PRKG1: variants seen among roughly 807,000 people sequenced by gnomAD.
PRKG1 encodes the protein protein kinase cGMP-dependent 1.
Under a neutral mutation model 88.1 loss-of-function variants are expected in PRKG1, and 35 were observed. That is an observed-to-expected ratio of 0.40 (90% confidence interval 0.30 to 0.53). The LOEUF (loss-of-function observed/expected upper bound fraction) is 0.53, where lower values mean the gene tolerates loss of function less well. PRKG1 is among the 20% of genes least tolerant of loss of function. The pLI, the probability that PRKG1 is intolerant of heterozygous loss-of-function variation, is 0.59. For synonymous variants in PRKG1, 303 were observed against 292.5 expected, an observed-to-expected ratio of 1.04 and a Z score of -0.37; for missense variants, 540 against 839.8, an observed-to-expected ratio of 0.64 and a Z score of 4.41.
intron 2 of PRKG1, among the ~76,000 whole-genome samples, chr10:51,184,629 A>AT (rs1428413453): frequency 6.6e-6 from 1 of 151,910 alleles, no homozygotes; most frequent in South Asian, 2.1e-4. Context: ...TCTTTTTTTC[A>AT]TTTTAGGATG....
At chr10:51,395,081 T>G (rs891082845) in intron 2 of PRKG1, among the ~76,000 whole-genome samples, 1 of 152,246 alleles carries the variant, frequency 6.6e-6, no homozygotes, top group Non-Finnish European at 1.5e-5. Context: ...GGATGTGGTC[T>G]GTATTTTAAA....
At chr10:51,471,553 T>C (rs1166328997) in intron 3 of PRKG1, among the ~76,000 whole-genome samples, 1 of 151,864 alleles carries the variant, frequency 6.6e-6, no homozygotes, top group African/African-American at 2.4e-5. Context: ...GCACTTACCC[T>C]GGGCCTTGCT....
At chr10:51,619,182 G>A (rs1038770065) in intron 3 of PRKG1, among the ~76,000 whole-genome samples, 1 of 152,000 alleles carries the variant, frequency 6.6e-6, no homozygotes, top group African/African-American at 2.4e-5. Context: ...AAAGGGATTG[G>A]TTTGCTAAAT....
In PRKG1 at chr10:51,865,988, T is replaced by C. The variant is rs1841004919; in HGVS notation, c.699-41519T>C. On this transcript the variant is annotated intron_variant, in intron 4 of 17. Coordinates refer to ENST00000373980, the MANE Select transcript of PRKG1 (RefSeq NM_006258.4). ...AATGTGTATATTATTTCATTCTCAG[T>C]CGTATGTATCATTATCCCAGGGATT... Among the ~76,000 whole-genome samples the C allele has an allele frequency of 3.3e-5, 5 of 152,120 alleles. No individual in the cohort carries two copies. The South Asian group carries it at 1.0e-3, about 32-fold the overall frequency.
At chr10:51,152,937 T>C (rs1362970165) in intron 1 of PRKG1, among the ~76,000 whole-genome samples, 2 of 151,354 alleles carry the variant, frequency 1.3e-5, no homozygotes, top group Non-Finnish European at 2.9e-5. Context: ...GGTCACTTAT[T>C]CATTAAATGA....
At chr10:51,601,128 T>G (rs562566933) in intron 3 of PRKG1, among the ~76,000 whole-genome samples, 26 of 152,266 alleles carry the variant, frequency 1.7e-4, no homozygotes, top group African/African-American at 6.3e-4. Flanking sequence ...TCATTATAAT[T>G]AATTTGAGAA....
chr10:52,003,252 C>T (rs1251469540), intron 5 of PRKG1, among the ~76,000 whole-genome samples: 1 of 152,168 alleles, frequency 6.6e-6, no homozygotes, highest in Non-Finnish European at 1.5e-5. Context: ...AATACAGTTT[C>T]CTCAATTATA....
At chr10:52,215,526 G>T (rs764136363) in intron 9 of PRKG1, among the ~76,000 whole-genome samples, 2 of 152,072 alleles carry the variant, frequency 1.3e-5, no homozygotes, top group East Asian at 1.9e-4. Context: ...TGCATCTCAG[G>T]TCAGTGTACT....
At chr10:51,499,170 T>C (rs1840950973) in intron 3 of PRKG1, among the ~76,000 whole-genome samples, 1 of 152,110 alleles carries the variant, frequency 6.6e-6, no homozygotes, top group South Asian at 2.1e-4. Flanking sequence ...CCTCTGGGAG[T>C]TGGGACAAGA....
intron 13 of PRKG1, 60 bp downstream of exon 13, chr10:52,280,990 T>C: frequency 1.3e-6 from 2 of 1,527,052 alleles, no homozygotes; most frequent in Non-Finnish European, 1.8e-6. Context: ...TTTATAAAAC[T>C]GTGTTCATTT....
At chr10:51,366,974 T>A (rs767117441) in intron 2 of PRKG1, among the ~76,000 whole-genome samples, 1 of 151,944 alleles carries the variant, frequency 6.6e-6, no homozygotes, top group Non-Finnish European at 1.5e-5. Context: ...TCTTGGGTTC[T>A]GAGCCATTGC....
In PRKG1 at chr10:51,601,461, A is replaced by T. The variant is rs1026877778; in HGVS notation, c.592+133625A>T. Among the ~76,000 whole-genome samples the T allele has an allele frequency of 5.9e-5, 9 of 152,314 alleles. No homozygotes were observed. The East Asian group carries it at 1.7e-3, about 29-fold the overall frequency. On this transcript the variant is annotated intron_variant, in intron 3 of 17. Coordinates refer to ENST00000373980, the MANE Select transcript of PRKG1 (RefSeq NM_006258.4). ...GCTGTGTGAAGAATTGCGTCTGTAA[A>T]CAAGGAGGAGCACATAAATGCCTGA... is the stretch of plus-strand genomic sequence containing the variant.
intron 4 of PRKG1, among the ~76,000 whole-genome samples, chr10:51,863,385 A>G (rs932895168): frequency 6.6e-6 from 1 of 152,042 alleles, no homozygotes; most frequent in Admixed American, 6.5e-5. Context: ...CTTTGTTTCC[A>G]TTTCTTATAC....
chr10:52,214,823 G>C (rs984152641), intron 9 of PRKG1, among the ~76,000 whole-genome samples: 1 of 152,100 alleles, frequency 6.6e-6, no homozygotes, highest in South Asian at 2.1e-4. Context: ...TAAATCTAGA[G>C]ACAATAGGAA....
At chr10:52,185,236 C>T (rs1421328135) in intron 9 of PRKG1, among the ~76,000 whole-genome samples, 3 of 152,150 alleles carry the variant, frequency 2.0e-5, no homozygotes, top group African/African-American at 7.2e-5. Context: ...ATGACCATTC[C>T]AAAAGGGACA....
At chr10:51,693,116 C>T (rs150037048) in intron 3 of PRKG1, among the ~76,000 whole-genome samples, 10,598 of 151,292 alleles carry the variant, frequency 0.07, 407 homozygotes, top group South Asian at 0.12. Context: ...GGTGAAACCC[C>T]GTCTCTACTA....
chr10:51,115,628 A>G (rs560419699), intron 1 of PRKG1, among the ~76,000 whole-genome samples: 3 of 151,714 alleles, frequency 2.0e-5, no homozygotes, highest in African/African-American at 7.2e-5. Flanking sequence ...TCACGAGGTC[A>G]AGAGATAGAG....
At chr10:52,280,719 A>G in intron 12 of PRKG1, 70 bp from the exon 13 acceptor site, 1 of 1,341,074 alleles carries the variant, frequency 7.5e-7, no homozygotes, top group Non-Finnish European at 1.0e-6. Flanking sequence ...GTGAAATGAG[A>G]AAAAAAAAAT....
intron 2 of PRKG1, among the ~76,000 whole-genome samples, chr10:51,419,115 A>G (rs555507566): frequency 5.3e-5 from 8 of 152,350 alleles, no homozygotes; most frequent in Non-Finnish European, 8.8e-5. Flanking sequence ...CCAATTGAAA[A>G]AGTCATGTAT....
Sources: allele counts gnomAD v4.1 joint callset (sites outside exome capture counted in the v4.1 genomes callset), GRCh38; gene constraint gnomAD v4.1.1; transcripts MANE v1.5; gene names NCBI Gene and HGNC (gene_info 2026-07-23, HGNC 2026-07-21).